Variants in SYNPR observed in about 807,000 individuals in gnomAD.
SYNPR encodes the protein synaptoporin.
SYNPR carries 23 observed loss-of-function variants against 32.9 expected under a neutral mutation model. The ratio of observed to expected loss-of-function variants is 0.70; its 90% CI spans 0.50 to 0.99. The LOEUF is 0.99. Among genes scored for constraint, SYNPR ranks in the 50% least tolerant of loss-of-function variants. SYNPR has a pLI of 0.00. For missense variants in SYNPR, 318 were observed against 349.3 expected, an observed-to-expected ratio of 0.91 and a Z score of 0.71; for synonymous variants, 146 against 135.9, an observed-to-expected ratio of 1.07 and a Z score of -0.52.
chr3:63,361,157 TG>T (rs1170824967), intron 2 of SYNPR, among the ~76,000 whole-genome samples: 2 of 152,200 alleles, frequency 1.3e-5, no homozygotes, highest in African/African-American at 4.8e-5. Context: ...AGAGTCTCAA[TG>T]GCCTATGCTG....
intron 3 of SYNPR, among the ~76,000 whole-genome samples, chr3:63,551,967 G>A (rs896133435): frequency 3.3e-5 from 5 of 151,776 alleles, no homozygotes; most frequent in Non-Finnish European, 5.9e-5. Context: ...GCCTGGTTTT[G>A]GCTCGCTGCA....
At chr3:63,232,192 CTTTTTTTTTT>C (rs57078088) in intron 1 of SYNPR, among the ~76,000 whole-genome samples, 8 of 59,514 alleles carry the variant, frequency 1.3e-4, no homozygotes, top group Non-Finnish European at 2.4e-4. Context: ...CAGATTCTGA[CTTTTTTTTTT>C]TTTTTTTTTT....
At chr3:63,470,441 T>G (rs1390926352) in intron 2 of SYNPR, among the ~76,000 whole-genome samples, 1 of 152,130 alleles carries the variant, frequency 6.6e-6, no homozygotes, top group Admixed American at 6.5e-5. Context: ...TCAGGCTTCA[T>G]GTGGAAAAAT....
intron 2 of SYNPR, among the ~76,000 whole-genome samples, chr3:63,418,121 A>C (rs1468868205): frequency 6.6e-6 from 1 of 152,186 alleles, no homozygotes; most frequent in Non-Finnish European, 1.5e-5. Context: ...ACAGCATCCA[A>C]GTCACCTCTT....
At chr3:63,459,201 A>G (rs1559505390) in intron 2 of SYNPR, among the ~76,000 whole-genome samples, 1 of 152,018 alleles carries the variant, frequency 6.6e-6, no homozygotes, top group Non-Finnish European at 1.5e-5. Context: ...ACCTGTCCAG[A>G]TTTACTCCCA....
chr3:63,496,882 T>C (rs1342511185), intron 3 of SYNPR, among the ~76,000 whole-genome samples: 2 of 152,146 alleles, frequency 1.3e-5, no homozygotes, highest in Non-Finnish European at 2.9e-5. Flanking sequence ...ACTTTCAGTA[T>C]GGTACCAGGC....
chr3:63,406,615 A>C (rs1455289867), intron 2 of SYNPR, among the ~76,000 whole-genome samples: 2 of 152,182 alleles, frequency 1.3e-5, no homozygotes. Context: ...AGACAGAGAC[A>C]CACAAGGCAG....
intron 2 of SYNPR, among the ~76,000 whole-genome samples, chr3:63,438,725 G>A (rs2107155836): frequency 6.6e-6 from 1 of 152,312 alleles, no homozygotes; most frequent in Admixed American, 6.5e-5. Flanking sequence ...TAGGAGCTGT[G>A]CTCAGTCAGA....
chr3:63,283,108 T>C (rs941662073), intron 2 of SYNPR, among the ~76,000 whole-genome samples: 9 of 152,334 alleles, frequency 5.9e-5, no homozygotes, highest in Middle Eastern at 6.8e-3. Context: ...CTATCACCTG[T>C]CTACAGTTGT....
chr3:63,447,039 T>C (rs921604125), intron 2 of SYNPR, among the ~76,000 whole-genome samples: 3 of 152,142 alleles, frequency 2.0e-5, no homozygotes, highest in Non-Finnish European at 4.4e-5. Context: ...AAAAAAGTCA[T>C]AATTGGGTGG....
chr3:63,453,027 A>T (rs1700407525), intron 2 of SYNPR, among the ~76,000 whole-genome samples: 1 of 152,162 alleles, frequency 6.6e-6, no homozygotes, highest in South Asian at 2.1e-4. Flanking sequence ...GAAGACCAGC[A>T]GCGTGGGCAT....
intron 1 of SYNPR, among the ~76,000 whole-genome samples, chr3:63,247,237 A>G (rs2086299150): frequency 6.6e-6 from 1 of 152,068 alleles, no homozygotes; most frequent in African/African-American, 2.4e-5. Context: ...TCTTCTAAAT[A>G]CTATTTGACT....
chr3:63,453,578 C>T (rs1029912255), intron 2 of SYNPR, among the ~76,000 whole-genome samples: 1 of 152,086 alleles, frequency 6.6e-6, no homozygotes, highest in African/African-American at 2.4e-5. Flanking sequence ...GCAATAAAGT[C>T]ATTATCAGAC....
chr3:63,558,889 G>A (rs1362798906), intron 4 of SYNPR, among the ~76,000 whole-genome samples: 1 of 151,614 alleles, frequency 6.6e-6, no homozygotes, highest in Non-Finnish European at 1.5e-5. Flanking sequence ...AATTCTGTGA[G>A]GGAAGTATAA....
intron 2 of SYNPR, among the ~76,000 whole-genome samples, chr3:63,375,541 G>A (rs938401652): frequency 3.3e-5 from 5 of 152,002 alleles, no homozygotes; most frequent in Admixed American, 3.3e-4. Flanking sequence ...TGGACACAGG[G>A]CAAGGAACAT....
At chr3:63,267,885 C>G (rs1372769482) in intron 3 of SYNPR, among the ~76,000 whole-genome samples, 1 of 151,644 alleles carries the variant, frequency 6.6e-6, no homozygotes, top group Non-Finnish European at 1.5e-5. Flanking sequence ...TCCCTGAGTC[C>G]CCTGCTAAAT....
rs182722253 is a variant in SYNPR at position 63,343,079 on chromosome 3, G to A, written c.84+64337G>A. Among the ~76,000 whole-genome samples the A allele has an allele frequency of 1.4e-3, 219 of 152,278 alleles. 11 individuals are homozygous for A. The South Asian group carries it at 0.044, about 30-fold the overall frequency. On this transcript the variant is annotated intron_variant, in intron 2 of 5. Transcript: ENST00000478300. Reference sequence around the variant, plus strand: ...AGAGAAAGAGCTTTTCGGGCAGAGGGAGAAGTTAGTACAAAGGCCCAGAGA... The same window carrying A: ...AGAGAAAGAGCTTTTCGGGCAGAGGAAGAAGTTAGTACAAAGGCCCAGAGA...
At chr3:63,340,742 A>G (rs901969617) in intron 2 of SYNPR, among the ~76,000 whole-genome samples, 1 of 152,182 alleles carries the variant, frequency 6.6e-6, no homozygotes, top group African/African-American at 2.4e-5. Flanking sequence ...TTTTAAAGCA[A>G]TTTTAGGTTT....
At chr3:63,530,629 C>A (rs1702095585) in intron 3 of SYNPR, among the ~76,000 whole-genome samples, 2 of 152,134 alleles carry the variant, frequency 1.3e-5, no homozygotes, top group African/African-American at 4.8e-5. Context: ...CCTGCACATA[C>A]ACATCTCACA....
Sources: allele counts gnomAD v4.1 joint callset (sites outside exome capture counted in the v4.1 genomes callset), GRCh38; gene constraint gnomAD v4.1.1; transcripts MANE v1.5; gene names NCBI Gene and HGNC (gene_info 2026-07-23, HGNC 2026-07-21).